NCAM1: variants seen among roughly 807,000 people sequenced by gnomAD.
The protein encoded by NCAM1 is neural cell adhesion molecule 1, also known as antigen recognized by monoclonal antibody 5.1H11.
Under a neutral mutation model 109.8 loss-of-function variants are expected in NCAM1, and 14 were observed. That is an observed-to-expected ratio of 0.13 (90% CI 0.08 to 0.20). NCAM1 has a LOEUF of 0.20. NCAM1 is among the 10% of genes least tolerant of loss of function. NCAM1 has a pLI of 1.00. For missense variants in NCAM1, 774 were observed against 1,109.9 expected, an observed-to-expected ratio of 0.70 and a Z score of 4.30; for synonymous variants, 418 against 442.9, an observed-to-expected ratio of 0.94 and a Z score of 0.70.
intron 1 of NCAM1, among the ~76,000 whole-genome samples, chr11:113,114,956 A>G (rs1940630372): frequency 6.6e-6 from 1 of 152,278 alleles, no homozygotes; most frequent in East Asian, 1.9e-4. Context: ...CTTGGGGGGA[A>G]TTGCACCCAA....
chr11:113,231,482 G>A, intron 9 of NCAM1, 163 bp from the exon 10 acceptor site: 1 of 881,816 alleles, frequency 1.1e-6, no homozygotes, highest in South Asian at 1.7e-5. Context: ...CCATTAGATG[G>A]TACCTAAAGT....
intron 1 of NCAM1, among the ~76,000 whole-genome samples, chr11:113,137,202 C>T (rs1555099645): frequency 1.3e-5 from 2 of 152,086 alleles, no homozygotes; most frequent in Non-Finnish European, 2.9e-5. Flanking sequence ...CCCTTCAAGA[C>T]CAGCAAATAA....
At chr11:112,999,666 C>T (rs1951692173) in intron 1 of NCAM1, among the ~76,000 whole-genome samples, 1 of 152,006 alleles carries the variant, frequency 6.6e-6, no homozygotes, top group African/African-American at 2.4e-5. Context: ...TTATAAATTA[C>T]AGCTTTAGAA....
At chr11:112,999,061 T>C (rs1267177068) in intron 1 of NCAM1, among the ~76,000 whole-genome samples, 3 of 152,208 alleles carry the variant, frequency 2.0e-5, no homozygotes, top group Admixed American at 2.0e-4. Context: ...ACCTACCTCC[T>C]TCAGAGGGTA....
At chr11:113,235,764 TC>T (rs1278266810) in intron 14 of NCAM1, among the ~76,000 whole-genome samples, 12 of 152,144 alleles carry the variant, frequency 7.9e-5, no homozygotes, top group African/African-American at 2.7e-4. Context: ...GAGAATTGCT[TC>T]CCCCTGATTC....
rs561471214 is a variant in NCAM1 at position 113,167,695 on chromosome 11, C to T, written c.53-34684C>T. On this transcript the variant is annotated intron_variant, in intron 1 of 19. Transcript: ENST00000316851. ...TGTGGGGAGAAGTGAGGTCCCACTC[C>T]AGCCTGGAGCCCGTGTTCTATGCAT... 1.3e-5 allele frequency among the ~76,000 whole-genome samples: 2 copies of T among 152,236 alleles called. 1 individual carries two copies. Among genetic ancestry groups the T allele is most frequent in the South Asian group, 4.2e-4 (2 of 4,806 alleles).
intron 15 of NCAM1, among the ~76,000 whole-genome samples, chr11:113,251,820 ACT>A (rs1945687991): frequency 6.6e-6 from 1 of 151,944 alleles, no homozygotes; most frequent in Non-Finnish European, 1.5e-5. Flanking sequence ...GCACATCAGG[ACT>A]CTCTCAGGCA....
intron 15 of NCAM1, among the ~76,000 whole-genome samples, chr11:113,249,185 A>G (rs1945587196): frequency 6.6e-6 from 1 of 150,996 alleles, no homozygotes; most frequent in Admixed American, 6.6e-5. Flanking sequence ...TTTAACACCC[A>G]CTCTTCCTTC....
At chr11:113,062,959 T>G (rs1937745316) in intron 1 of NCAM1, among the ~76,000 whole-genome samples, 2 of 151,920 alleles carry the variant, frequency 1.3e-5, no homozygotes, top group African/African-American at 4.8e-5. Context: ...CAGAGTGAGA[T>G]TCCATCTCAC....
chr11:113,137,818 A>T (rs1211752051), intron 1 of NCAM1, among the ~76,000 whole-genome samples: 2 of 152,164 alleles, frequency 1.3e-5, no homozygotes, highest in East Asian at 3.8e-4. Flanking sequence ...ACATATATAG[A>T]CACACACTCT....
intron 8 of NCAM1, among the ~76,000 whole-genome samples, chr11:113,218,311 A>C (rs1555114691): frequency 2.0e-5 from 3 of 152,218 alleles, no homozygotes; most frequent in Non-Finnish European, 4.4e-5. Flanking sequence ...TCGGTGGCTC[A>C]GAAGGTAGGC....
chr11:113,028,469 C>T (rs1271209367), intron 1 of NCAM1, among the ~76,000 whole-genome samples: 2 of 152,120 alleles, frequency 1.3e-5, no homozygotes, highest in East Asian at 3.8e-4. Flanking sequence ...TCCTAAATTA[C>T]CAGGAGGTGT....
chr11:113,214,463 C>T lies in NCAM1; in HGVS notation c.1011C>T (p.Pro337=), dbSNP rs781814795. Residue 337 remains proline (P), a synonymous_variant, in exon 8 of 20, where the codon CCC becomes CCT. Coordinates refer to ENST00000316851, the MANE Select transcript of NCAM1 (RefSeq NM_181351.5). ...LTCEASGDPI[P]SITWRTSTRN... is the part of the protein sequence containing the mutation. ...GTGAAGCCTCCGGAGACCCCATTCC[C>T]TCCATCACCTGGAGGACTTCTACCC... 27 of 1,612,788 alleles carry T rather than the reference C, an allele frequency of 1.7e-5. No homozygotes were observed. Among genetic ancestry groups the T allele is most frequent in the South Asian group, 3.3e-5 (3 of 90,674 alleles).
chr11:112,989,677 C>A (rs1555070288), intron 1 of NCAM1, among the ~76,000 whole-genome samples: 1 of 152,072 alleles, frequency 6.6e-6, no homozygotes, highest in African/African-American at 2.4e-5. Flanking sequence ...GTCATAATTG[C>A]CTGATTCTTT....
intron 1 of NCAM1, among the ~76,000 whole-genome samples, chr11:112,979,126 A>C (rs1951082808): frequency 1.3e-5 from 2 of 151,634 alleles, no homozygotes; most frequent in Admixed American, 1.3e-4. Flanking sequence ...TGGTCCATAG[A>C]CTTTGAGTGT....
intron 1 of NCAM1, among the ~76,000 whole-genome samples, chr11:113,061,225 A>G (rs1196703745): frequency 6.6e-6 from 1 of 152,148 alleles, no homozygotes; most frequent in Admixed American, 6.5e-5. Flanking sequence ...ATATTGTTGC[A>G]ATGGGAAGGT....
intron 1 of NCAM1, among the ~76,000 whole-genome samples, chr11:113,011,324 GGT>G (rs1355801295): frequency 6.7e-6 from 1 of 149,684 alleles, no homozygotes; most frequent in African/African-American, 2.5e-5. Context: ...AGTATTCCAT[GGT>G]GTATATGTGC....
intron 1 of NCAM1, among the ~76,000 whole-genome samples, chr11:113,028,358 G>C (rs1344781644): frequency 1.3e-5 from 2 of 151,722 alleles, no homozygotes; most frequent in Non-Finnish European, 2.9e-5. Flanking sequence ...AAAAAAAAAA[G>C]AATAGAATGG....
intron 15 of NCAM1, among the ~76,000 whole-genome samples, chr11:113,249,992 C>T (rs905905558): frequency 7.9e-5 from 12 of 152,112 alleles, no homozygotes; most frequent in Admixed American, 2.0e-4. Context: ...GGGAACCGGC[C>T]GTGCCCACAC....
Sources: gnomAD v4.1 joint callset for allele counts (sites outside exome capture counted in the v4.1 genomes callset) on GRCh38, gnomAD v4.1.1 for gene constraint, MANE v1.5 for transcripts, NCBI Gene and HGNC (gene_info 2026-07-23, HGNC 2026-07-21) for gene names.